IL1RAPL1: variants seen among roughly 807,000 people sequenced by gnomAD.
IL1RAPL1 encodes interleukin 1 receptor accessory protein like 1.
In IL1RAPL1, 3 loss-of-function variants were observed where a neutral mutation model predicts 48.4. That is an observed-to-expected ratio of 0.06 (90% confidence interval 0.03 to 0.16). The LOEUF is 0.16. IL1RAPL1 is among the 10% of genes least tolerant of loss of function. IL1RAPL1 has a pLI of 1.00. For synonymous variants in IL1RAPL1, 185 were observed against 187.7 expected, an observed-to-expected ratio of 0.99 and a Z score of 0.12; for missense variants, 349 against 530.6, an observed-to-expected ratio of 0.66 and a Z score of 3.36.
At chrX:29,080,744 C>CTT (rs759930481) in intron 2 of IL1RAPL1, among the ~76,000 whole-genome samples, 1,900 of 96,910 alleles carry the variant, frequency 0.02, 55 homozygotes, top group African/African-American at 0.066. Flanking sequence ...CAAGCAAATA[C>CTT]TTTTTTTTTT....
chrX:29,537,611 A>G (rs894622328), intron 5 of IL1RAPL1, among the ~76,000 whole-genome samples: 14 of 104,378 alleles, frequency 1.3e-4, no homozygotes, highest in African/African-American at 4.9e-4. Flanking sequence ...AAGTTGGGGA[A>G]TGATGAATAT....
At chrX:28,966,256 T>C (rs1344287525) in intron 2 of IL1RAPL1, among the ~76,000 whole-genome samples, 1 of 112,179 alleles carries the variant, frequency 8.9e-6, no homozygotes, top group Non-Finnish European at 1.9e-5. Context: ...ATGGATGTTT[T>C]TACTTATTAG....
Position 28,838,403 on chromosome X carries a change from A to G in IL1RAPL1, c.82+48978A>G, listed in dbSNP as rs771983236. ...TGAACAACTTGAACAAAAATGAGGT[A>G]CCAGATTTTGACAGCTGGAAATAAC... On this transcript the variant is annotated intron_variant, in intron 2 of 10. Coordinates refer to ENST00000378993, the MANE Select transcript of IL1RAPL1 (RefSeq NM_014271.4). Among the ~76,000 whole-genome samples the G allele has an allele frequency of 9.9e-4, 110 of 111,110 alleles. 1 individual carries two copies. Among genetic ancestry groups the G allele is most frequent in the Non-Finnish European group, 2.7e-4 (14 of 52,754 alleles).
chrX:29,576,950 T>G (rs1362453000), intron 5 of IL1RAPL1, among the ~76,000 whole-genome samples: 1 of 111,795 alleles, frequency 8.9e-6, no homozygotes, highest in African/African-American at 3.2e-5. Context: ...GTGCTTTAGT[T>G]TAGAAAAAGA....
At chrX:28,618,013 C>T (rs1458320258) in intron 1 of IL1RAPL1, among the ~76,000 whole-genome samples, 1 of 111,898 alleles carries the variant, frequency 8.9e-6, no homozygotes, top group Non-Finnish European at 1.9e-5. Flanking sequence ...TTGTGTCATC[C>T]TCCCATGTCT....
intron 2 of IL1RAPL1, among the ~76,000 whole-genome samples, chrX:28,803,738 ACTT>A (rs1397427630): frequency 2.1e-4 from 24 of 111,981 alleles, no homozygotes; most frequent in Non-Finnish European, 1.5e-4. Flanking sequence ...CATGGAACCT[ACTT>A]CTTCTTAAAG....
intron 6 of IL1RAPL1, among the ~76,000 whole-genome samples, chrX:29,817,510 C>G (rs1296246941): frequency 9.0e-6 from 1 of 110,920 alleles, no homozygotes; most frequent in Non-Finnish European, 1.9e-5. Flanking sequence ...ATTGATGGTA[C>G]TAAGTTGGCT....
At chrX:28,692,526 A>G (rs1935189744) in intron 1 of IL1RAPL1, among the ~76,000 whole-genome samples, 1 of 111,748 alleles carries the variant, frequency 8.9e-6, no homozygotes, top group Non-Finnish European at 1.9e-5. Flanking sequence ...CATTGTAGTA[A>G]TTATATATCT....
At chrX:29,837,292 T>C (rs1227101738) in intron 6 of IL1RAPL1, among the ~76,000 whole-genome samples, 16 of 74,690 alleles carry the variant, frequency 2.1e-4, no homozygotes, top group African/African-American at 9.4e-4. Flanking sequence ...TATATATATA[T>C]ATATATATAC....
intron 3 of IL1RAPL1, among the ~76,000 whole-genome samples, chrX:29,318,395 CTA>C (rs1932777725): frequency 8.9e-6 from 1 of 112,439 alleles, no homozygotes; most frequent in Non-Finnish European, 1.9e-5. Flanking sequence ...TTAATACAAA[CTA>C]TGTGAATTTG....
At position 28,879,451 on chromosome X, in the gene IL1RAPL1, A is replaced by G. The variant is rs543385255; in HGVS notation, c.82+90026A>G. ...AATTATAATAATAAACCACATTGTC[A>G]AAAGAGAGGTATAAATAAGAAAGGA... On this transcript the variant is annotated intron_variant, in intron 2 of 10. Coordinates refer to ENST00000378993, the MANE Select transcript of IL1RAPL1 (RefSeq NM_014271.4). 2.9e-4 allele frequency among the ~76,000 whole-genome samples: 32 copies of G among 111,532 alleles called. No individual in the cohort carries two copies. In the South Asian group the frequency reaches 0.012, roughly 40 times the overall value.
At chrX:29,947,884 A>ATGAC (rs1163313666) in intron 9 of IL1RAPL1, among the ~76,000 whole-genome samples, 1 of 109,672 alleles carries the variant, frequency 9.1e-6, no homozygotes, top group Non-Finnish European at 1.9e-5. Context: ...TTCTGGGTAT[A>ATGAC]TGACTTGCCT....
chrX:29,689,032 G>A, intron 6 of IL1RAPL1, among the ~76,000 whole-genome samples: 1 of 111,446 alleles, frequency 9.0e-6, no homozygotes, highest in East Asian at 2.8e-4. Flanking sequence ...ACTCTTTGTA[G>A]TGAATTTTAC....
At position 29,692,236 on chromosome X, in the gene IL1RAPL1, T is replaced by C. The variant is rs774797294; in HGVS notation, c.778+23732T>C. On this transcript the variant is annotated intron_variant, in intron 6 of 10. Coordinates refer to ENST00000378993, the MANE Select transcript of IL1RAPL1 (RefSeq NM_014271.4). ...CTGTACTAAGAACGCATTTTTCTAT[T>C]TTTTAAAATTGATTTATTGATTTAA... 3.6e-5 allele frequency among the ~76,000 whole-genome samples: 4 copies of C among 112,226 alleles called. No homozygotes were observed. The South Asian group carries it at 1.5e-3, about 42-fold the overall frequency.
intron 8 of IL1RAPL1, among the ~76,000 whole-genome samples, chrX:29,936,518 AACACACACACACACAC>A (rs55890071): frequency 1.1e-3 from 107 of 93,471 alleles, no homozygotes; most frequent in Middle Eastern, 5.5e-3. Context: ...TATATATAGG[AACACACACACACACAC>A]ACACACACAC....
intron 6 of IL1RAPL1, among the ~76,000 whole-genome samples, chrX:29,916,066 A>C (rs1263111820): frequency 2.0e-5 from 2 of 100,660 alleles, no homozygotes; most frequent in Non-Finnish European, 2.0e-5. Flanking sequence ...ATGTCCCTAC[A>C]AAGGACATGA....
chrX:28,750,153 G>A (rs761687503), intron 1 of IL1RAPL1, among the ~76,000 whole-genome samples: 6 of 110,233 alleles, frequency 5.4e-5, no homozygotes, highest in East Asian at 2.9e-4. Flanking sequence ...GGGTTTCACT[G>A]TGTTGGCCAG....
chrX:29,116,142 A>G (rs974070103), intron 2 of IL1RAPL1, among the ~76,000 whole-genome samples: 4 of 111,579 alleles, frequency 3.6e-5, no homozygotes, highest in Non-Finnish European at 7.5e-5. Context: ...AATTTTATTT[A>G]AATGTATTCA....
At chrX:29,580,252 G>C (rs1410031468) in intron 5 of IL1RAPL1, among the ~76,000 whole-genome samples, 5 of 108,977 alleles carry the variant, frequency 4.6e-5, no homozygotes, top group African/African-American at 1.3e-4. Flanking sequence ...ACTTAACCTA[G>C]TGCTTTAAAA....
Sources: allele counts gnomAD v4.1 joint callset (sites outside exome capture counted in the v4.1 genomes callset), GRCh38; gene constraint gnomAD v4.1.1; transcripts MANE v1.5; gene names NCBI Gene and HGNC (gene_info 2026-07-23, HGNC 2026-07-21).